The following RPRD1A variants were observed in gnomAD, a reference collection of about 807,000 sequenced individuals.
The protein encoded by RPRD1A is regulation of nuclear pre-mRNA domain-containing protein 1A.
RPRD1A carries 9 observed loss-of-function variants against 37.8 expected under a neutral mutation model. The ratio of observed to expected loss-of-function variants is 0.24; its 90% CI spans 0.14 to 0.42. RPRD1A has a LOEUF of 0.42. Ranked by LOEUF, RPRD1A falls within the 10% of genes least tolerant of loss-of-function variation. RPRD1A has a pLI of 1.00. For synonymous variants in RPRD1A, 138 were observed against 139.7 expected, an observed-to-expected ratio of 0.99 and a Z score of 0.08; for missense variants, 255 against 371.0, an observed-to-expected ratio of 0.69 and a Z score of 2.57.
chr18:36,020,552 C>T (rs886726253), intron 6 of RPRD1A, among the ~76,000 whole-genome samples: 4 of 152,058 alleles, frequency 2.6e-5, no homozygotes, highest in Admixed American at 2.0e-4. Flanking sequence ...GAATTATTAA[C>T]GGATCAATAT....
At chr18:36,033,285 G>C (rs1319478336) in intron 2 of RPRD1A, among the ~76,000 whole-genome samples, 4 of 108,526 alleles carry the variant, frequency 3.7e-5, no homozygotes, top group Non-Finnish European at 6.8e-5. Flanking sequence ...CTGGGTGAGA[G>C]TGAGACTCTG....
intron 1 of RPRD1A, among the ~76,000 whole-genome samples, chr18:36,041,413 T>C (rs1479146904): frequency 6.6e-6 from 1 of 152,200 alleles, no homozygotes; most frequent in East Asian, 1.9e-4. Context: ...TCCAACTTAC[T>C]AGATTCTCTC....
rs191971882 is a variant in RPRD1A, at chr18:36,002,605, T to C, written c.790-9305A>G. Reference sequence around the variant, plus strand: ...CTGGGCATTTCCACCTCTCTACTTATATTACCCATCTGTTCTTGCATTGTA... The same window carrying C: ...CTGGGCATTTCCACCTCTCTACTTACATTACCCATCTGTTCTTGCATTGTA... On this transcript the variant is annotated intron_variant, in intron 6 of 6. Coordinates refer to ENST00000399022, the MANE Select transcript of RPRD1A (RefSeq NM_018170.5). Among the ~76,000 whole-genome samples the C allele has an allele frequency of 2.5e-3, 382 of 152,266 alleles. 2 individuals carry two copies. Among genetic ancestry groups the C allele is most frequent in the African/African-American group, 8.9e-3 (368 of 41,540 alleles).
chr18:36,027,218 T>A lies in RPRD1A; in HGVS notation c.579A>T (p.Glu193Asp), dbSNP rs746611301. The A allele has an allele frequency of 9.9e-6, 16 of 1,613,742 alleles. No homozygotes were observed. Among genetic ancestry groups the A allele is most frequent in the Middle Eastern group, 1.6e-4 (1 of 6,084 alleles). The stretch of plus-strand genomic sequence containing the variant: ...TATCTAATAGAGATACTTCTTGGAC[T>A]TCAACAGGTAAAGAAGCTATCCTCT... ...VHQRIASLPV[E>D]VQEVSLLDKI... The change falls in exon 5 of 7, where the codon GAA (glutamate) becomes GAT (aspartate). Residue 193 changes from glutamate to aspartate, a missense_variant. Coordinates refer to ENST00000399022, the MANE Select transcript of RPRD1A (RefSeq NM_018170.5).
At chr18:36,030,055 C>T (rs1911663075) in intron 4 of RPRD1A, among the ~76,000 whole-genome samples, 1 of 151,746 alleles carries the variant, frequency 6.6e-6, no homozygotes, top group South Asian at 2.1e-4. Flanking sequence ...ATCCGACCAC[C>T]TTGGCCTCCC....
intron 6 of RPRD1A, among the ~76,000 whole-genome samples, chr18:36,015,175 C>CACATATAT (rs1215533890): frequency 2.8e-5 from 2 of 72,602 alleles, no homozygotes; most frequent in Non-Finnish European, 5.5e-5. Flanking sequence ...CACATATATA[C>CACATATAT]ACACACACAC....
intron 1 of RPRD1A, among the ~76,000 whole-genome samples, chr18:36,038,128 C>G (rs1912326428): frequency 1.3e-5 from 2 of 152,190 alleles, no homozygotes; most frequent in South Asian, 4.1e-4. Flanking sequence ...CAGAAATTTG[C>G]AAGTAACAAG....
intron 6 of RPRD1A, among the ~76,000 whole-genome samples, chr18:36,016,193 C>A (rs1910558339): frequency 6.6e-6 from 1 of 152,168 alleles, no homozygotes; most frequent in African/African-American, 2.4e-5. Context: ...CCCATTTCCA[C>A]AACCCCATGT....
intron 6 of RPRD1A, among the ~76,000 whole-genome samples, chr18:35,998,879 T>C (rs1568112096): frequency 6.6e-6 from 1 of 152,190 alleles, no homozygotes; most frequent in Admixed American, 6.5e-5. Context: ...ACTAGTGAAC[T>C]AGGAGGTGTG....
intron 1 of RPRD1A, chr18:36,063,960 T>C (rs915990954): frequency 6.6e-6 from 1 of 152,264 alleles, no homozygotes; most frequent in Admixed American, 6.5e-5. Flanking sequence ...TTTCCACTTA[T>C]GAAACACTTA....
intron 6 of RPRD1A, among the ~76,000 whole-genome samples, chr18:36,019,778 G>A (rs1313628117): frequency 6.6e-6 from 1 of 152,180 alleles, no homozygotes; most frequent in East Asian, 1.9e-4. Context: ...GGTGGCTCAC[G>A]CCTGTAATCT....
intron 6 of RPRD1A, chr18:36,026,030 G>C (rs1211714290): frequency 1.7e-5 from 3 of 171,630 alleles, no homozygotes; most frequent in African/African-American, 7.2e-5. Context: ...TTAAGTAGCA[G>C]CTCCCATGGG....
intron 1 of RPRD1A, among the ~76,000 whole-genome samples, chr18:36,065,082 C>T (rs940327164): frequency 4.6e-5 from 7 of 152,156 alleles, no homozygotes; most frequent in African/African-American, 1.7e-4. Context: ...GAACAAACTC[C>T]GGACACACCA....
chr18:36,039,029 T>C (rs1487493673), intron 1 of RPRD1A, among the ~76,000 whole-genome samples: 1 of 152,194 alleles, frequency 6.6e-6, no homozygotes, highest in Non-Finnish European at 1.5e-5. Flanking sequence ...GCTTGGACTT[T>C]TGAGTTAATG....
intron 6 of RPRD1A, among the ~76,000 whole-genome samples, chr18:36,012,305 T>C (rs1365681481): frequency 2.0e-5 from 3 of 152,232 alleles, no homozygotes; most frequent in Non-Finnish European, 4.4e-5. Context: ...ATGTACAGTA[T>C]ATAATATTTG....
chr18:36,056,366 C>A (rs1415382398), intron 1 of RPRD1A, among the ~76,000 whole-genome samples: 1 of 151,964 alleles, frequency 6.6e-6, no homozygotes. Flanking sequence ...CGGCTCACTG[C>A]AACCTCCACC....
intron 1 of RPRD1A, among the ~76,000 whole-genome samples, chr18:36,061,887 T>C (rs922255903): frequency 5.3e-5 from 8 of 152,198 alleles, no homozygotes; most frequent in African/African-American, 1.9e-4. Flanking sequence ...CTCAGTGTCA[T>C]TAGTCATCTG....
chr18:36,062,689 C>T lies in RPRD1A; in HGVS notation c.151+4565G>A, dbSNP rs557914166. On this transcript the variant is annotated intron_variant, in intron 1 of 6. Coordinates refer to ENST00000399022, the MANE Select transcript of RPRD1A (RefSeq NM_018170.5). ...TGTTATAGCATGGATGGAAAACACA[C>T]AAAAGACCACATACTATATAATTCT... is the stretch of plus-strand genomic sequence containing the variant. Among the ~76,000 whole-genome samples the T allele has an allele frequency of 7.2e-5, 11 of 152,222 alleles. 1 individual carries two copies. The South Asian group carries it at 8.3e-4, about 11-fold the overall frequency.
chr18:36,066,630 A>C (rs1331351711), intron 1 of RPRD1A, among the ~76,000 whole-genome samples: 1 of 152,240 alleles, frequency 6.6e-6, no homozygotes, highest in Admixed American at 6.5e-5. Flanking sequence ...ACACTGCATT[A>C]GGGCATATAA....
Sources: allele counts gnomAD v4.1 joint callset (sites outside exome capture counted in the v4.1 genomes callset), GRCh38; gene constraint gnomAD v4.1.1; transcripts MANE v1.5; gene names NCBI Gene and HGNC (gene_info 2026-07-23, HGNC 2026-07-21).